VEPH1: variants seen among roughly 807,000 people sequenced by gnomAD.
The protein encoded by VEPH1 is ventricular zone expressed PH domain containing 1.
In VEPH1, 80 loss-of-function variants were observed where a neutral mutation model predicts 85.2. The ratio of observed to expected loss-of-function variants is 0.94; its 90% CI spans 0.78 to 1.13. The LOEUF (loss-of-function observed/expected upper bound fraction) is 1.13, where lower values mean the gene tolerates loss of function less well. VEPH1 is among the 50% of genes most tolerant of loss of function. The probability of loss-of-function intolerance (pLI) is 0.00; values close to 1 mark genes in which losing one functional copy is unlikely to be tolerated. For synonymous variants in VEPH1, 297 were observed against 348.0 expected, an observed-to-expected ratio of 0.85 and a Z score of 1.63; for missense variants, 955 against 980.5, an observed-to-expected ratio of 0.97 and a Z score of 0.35.
At chr3:157,448,377 T>C (rs889206998) in intron 4 of VEPH1, among the ~76,000 whole-genome samples, 2 of 152,202 alleles carry the variant, frequency 1.3e-5, no homozygotes, top group African/African-American at 4.8e-5. Flanking sequence ...GGCATATTGA[T>C]GGTGAGGCAT....
At chr3:157,313,586 T>C in intron 11 of VEPH1, 35 bp downstream of exon 11, 1 of 1,605,588 alleles carries the variant, frequency 6.2e-7, no homozygotes, top group African/African-American at 1.3e-5. Flanking sequence ...TCTTAAATCT[T>C]GGCCTGTAAC....
chr3:157,374,179 G>A (rs1057178064), intron 7 of VEPH1, among the ~76,000 whole-genome samples: 2 of 152,136 alleles, frequency 1.3e-5, no homozygotes, highest in African/African-American at 4.8e-5. Context: ...CCTTTTCCAT[G>A]CACAGAGGAG....
chr3:157,363,254 A>G, intron 9 of VEPH1, 110 bp downstream of exon 9: 1 of 1,098,800 alleles, frequency 9.1e-7, no homozygotes, highest in Non-Finnish European at 1.3e-6. Context: ...AAAATGATCT[A>G]TTTTGCAAAA....
At chr3:157,265,100 G>T (rs1277949039) in intron 13 of VEPH1, among the ~76,000 whole-genome samples, 2 of 152,056 alleles carry the variant, frequency 1.3e-5, no homozygotes, top group South Asian at 2.1e-4. Context: ...ACTATAAAAA[G>T]TACCTAAAGT....
At chr3:157,301,419 C>T (rs1030325369) in intron 11 of VEPH1, among the ~76,000 whole-genome samples, 1 of 152,094 alleles carries the variant, frequency 6.6e-6, no homozygotes, top group South Asian at 2.1e-4. Flanking sequence ...CTCTCTATTG[C>T]ATCATCCCGG....
At chr3:157,281,130 C>A (rs112345347) in intron 12 of VEPH1, among the ~76,000 whole-genome samples, 2 of 87,920 alleles carry the variant, frequency 2.3e-5, no homozygotes, top group Non-Finnish European at 5.6e-5. Flanking sequence ...CAGAGAAAGA[C>A]AGAGAGAGAA....
chr3:157,261,510 C>A (rs1712899579), intron 13 of VEPH1, 140 bp from the exon 14 acceptor site: 2 of 1,332,446 alleles, frequency 1.5e-6, no homozygotes, highest in Non-Finnish European at 1.0e-6. Context: ...GGTGCTAAGG[C>A]CTCAGAATCA....
chr3:157,489,266 C>A (rs1738988377), intron 2 of VEPH1: 1 of 449,172 alleles, frequency 2.2e-6, no homozygotes, highest in African/African-American at 2.0e-5. Flanking sequence ...TCTCTCCTAA[C>A]CTCATCTCCC....
intron 9 of VEPH1, among the ~76,000 whole-genome samples, chr3:157,357,294 G>A (rs112917971): frequency 2.6e-5 from 4 of 152,298 alleles, no homozygotes; most frequent in African/African-American, 9.6e-5. Flanking sequence ...CAAGGTTTGA[G>A]ATGACAGATT....
intron 5 of VEPH1, among the ~76,000 whole-genome samples, chr3:157,422,242 T>G (rs1446828042): frequency 6.6e-6 from 1 of 152,168 alleles, no homozygotes; most frequent in Non-Finnish European, 1.5e-5. Context: ...ATGACTCTGA[T>G]GGTCAGTGGG....
intron 9 of VEPH1, among the ~76,000 whole-genome samples, chr3:157,338,461 AT>A (rs904298724): frequency 1.3e-5 from 2 of 152,144 alleles, no homozygotes; most frequent in Non-Finnish European, 2.9e-5. Flanking sequence ...ACTATTCCAC[AT>A]TTTTCAAACC....
chr3:157,458,695 G>T (rs992096822), intron 4 of VEPH1, among the ~76,000 whole-genome samples: 5 of 152,070 alleles, frequency 3.3e-5, no homozygotes, highest in African/African-American at 4.8e-5. Context: ...TAAATTTATT[G>T]CCAAGGCTAT....
At chr3:157,351,740 T>A (rs1033255772) in intron 9 of VEPH1, among the ~76,000 whole-genome samples, 1 of 152,144 alleles carries the variant, frequency 6.6e-6, no homozygotes, top group Non-Finnish European at 1.5e-5. Flanking sequence ...GTGATGTTGA[T>A]GTTGTTGGTC....
chr3:157,484,589 AT>A, intron 2 of VEPH1, among the ~76,000 whole-genome samples: 1 of 152,330 alleles, frequency 6.6e-6, no homozygotes, highest in South Asian at 2.1e-4. Context: ...TTGACTATAC[AT>A]TTTTTTAAAG....
At chr3:157,436,886 A>G in intron 4 of VEPH1, 2 of 1,599,044 alleles carry the variant, frequency 1.3e-6, no homozygotes, top group Non-Finnish European at 1.7e-6. Flanking sequence ...AGCTCACTTG[A>G]GAGTCTCCTC....
intron 5 of VEPH1, among the ~76,000 whole-genome samples, chr3:157,418,748 G>C (rs1230829784): frequency 6.6e-6 from 1 of 152,094 alleles, no homozygotes; most frequent in Admixed American, 6.5e-5. Flanking sequence ...TGTGAAAATG[G>C]CCATACTGCC....
chr3:157,432,325 C>A (rs1367402428), intron 4 of VEPH1, among the ~76,000 whole-genome samples: 1 of 151,954 alleles, frequency 6.6e-6, no homozygotes, highest in East Asian at 1.9e-4. Context: ...TTAATATAGT[C>A]AACTGTTTTC....
chr3:157,296,926 A>G (rs1454145649), intron 11 of VEPH1, among the ~76,000 whole-genome samples: 3 of 152,236 alleles, frequency 2.0e-5, no homozygotes, highest in African/African-American at 7.2e-5. Context: ...GCCACAATCA[A>G]TTAATGGATA....
intron 4 of VEPH1, among the ~76,000 whole-genome samples, chr3:157,454,970 A>C (rs948299223): frequency 1.3e-5 from 2 of 152,092 alleles, no homozygotes; most frequent in Non-Finnish European, 2.9e-5. Context: ...TATGTACCAC[A>C]TTTTCTTCAT....
Sources: gnomAD v4.1 joint callset for allele counts (sites outside exome capture counted in the v4.1 genomes callset) on GRCh38, gnomAD v4.1.1 for gene constraint, MANE v1.5 for transcripts, NCBI Gene and HGNC (gene_info 2026-07-23, HGNC 2026-07-21) for gene names.